The following HEMK2 variants were observed in gnomAD, a reference collection of about 807,000 sequenced individuals.
HEMK2 encodes the protein methyltransferase HEMK2.
chr21:28,696,613 G>A, the HEMK2 span, among the ~76,000 whole-genome samples: 3 of 152,084 alleles, frequency 2.0e-5, no homozygotes, highest in Admixed American at 6.5e-5. Context: ...TCTAGCGGAT[G>A]GTGGCCTTCT....
the HEMK2 span, among the ~76,000 whole-genome samples, chr21:28,594,122 T>C: frequency 6.6e-6 from 1 of 152,186 alleles, no homozygotes; most frequent in South Asian, 2.1e-4. Flanking sequence ...GAGAAAAACA[T>C]AATATAAACC....
the HEMK2 span, among the ~76,000 whole-genome samples, chr21:28,783,300 T>C: frequency 6.6e-6 from 1 of 152,114 alleles, no homozygotes. Context: ...TTCTCCTGCC[T>C]CAGCCTCCCA....
the HEMK2 span, among the ~76,000 whole-genome samples, chr21:28,782,456 T>A: frequency 6.6e-6 from 1 of 152,208 alleles, no homozygotes; most frequent in Non-Finnish European, 1.5e-5. Context: ...ACACATATAG[T>A]TCAGAAACGT....
At chr21:28,629,394 G>A in the HEMK2 span, among the ~76,000 whole-genome samples, 4 of 152,220 alleles carry the variant, frequency 2.6e-5, no homozygotes, top group South Asian at 2.1e-4. Context: ...CCTCGACATC[G>A]AGCAGATATT....
chr21:28,842,605 GCCATTACTCCTTCTCC>G, the HEMK2 span, among the ~76,000 whole-genome samples: 36 of 152,244 alleles, frequency 2.4e-4, no homozygotes, highest in East Asian at 4.6e-3. Context: ...CCTACCCAAA[GCCATTACTCCTTCTCC>G]CCACCTAACA....
At chr21:28,594,434 G>C in the HEMK2 span, among the ~76,000 whole-genome samples, 4 of 152,118 alleles carry the variant, frequency 2.6e-5, no homozygotes, top group African/African-American at 9.7e-5. Flanking sequence ...CTGAGTGCAT[G>C]TTATATGGAA....
the HEMK2 span, among the ~76,000 whole-genome samples, chr21:28,829,080 A>T: frequency 6.6e-6 from 1 of 152,324 alleles, no homozygotes; most frequent in South Asian, 2.1e-4. Context: ...GCTCCTCTTA[A>T]AATTTCTAAT....
At chr21:28,575,653 G>C in the HEMK2 span, among the ~76,000 whole-genome samples, 4 of 152,238 alleles carry the variant, frequency 2.6e-5, no homozygotes, top group East Asian at 3.9e-4. Context: ...AAAATGCAGA[G>C]TTCTTTAGTA....
chr21:28,746,672 TA>T, the HEMK2 span, among the ~76,000 whole-genome samples: 103,506 of 144,836 alleles, frequency 0.71, 37,713 homozygotes, highest in Non-Finnish European at 0.81. Context: ...AGGGCCAATC[TA>T]AAAAAAAAAA....
At chr21:28,697,393 T>G in the HEMK2 span, among the ~76,000 whole-genome samples, 1 of 152,168 alleles carries the variant, frequency 6.6e-6, no homozygotes, top group Admixed American at 6.5e-5. Context: ...AACAGGTTCC[T>G]CATCTCCATC....
At chr21:28,804,503 G>A in the HEMK2 span, among the ~76,000 whole-genome samples, 1 of 152,332 alleles carries the variant, frequency 6.6e-6, no homozygotes, top group African/African-American at 2.4e-5. Flanking sequence ...GGGAGGCTGA[G>A]GCAAGAGGAT....
At chr21:28,593,846 T>C in the HEMK2 span, among the ~76,000 whole-genome samples, 1 of 152,192 alleles carries the variant, frequency 6.6e-6, no homozygotes, top group Non-Finnish European at 1.5e-5. Context: ...TGCAGAAGAA[T>C]TCCAAATATT....
chr21:28,874,198 T>C, the HEMK2 span: 1 of 152,228 alleles, frequency 6.6e-6, no homozygotes, highest in East Asian at 1.9e-4. Flanking sequence ...TGCCACACTT[T>C]TGCTGTGAAC....
At chr21:28,821,162 A>G in the HEMK2 span, among the ~76,000 whole-genome samples, 1 of 152,120 alleles carries the variant, frequency 6.6e-6, no homozygotes, top group Non-Finnish European at 1.5e-5. Context: ...TTTTCCTGCC[A>G]ACCTTCCACT....
At chr21:28,623,174 G>A in the HEMK2 span, among the ~76,000 whole-genome samples, 1 of 152,078 alleles carries the variant, frequency 6.6e-6, no homozygotes, top group African/African-American at 2.4e-5. Flanking sequence ...AAGTGGGCGA[G>A]GACATGAACA....
the HEMK2 span, among the ~76,000 whole-genome samples, chr21:28,596,016 C>G: frequency 6.6e-6 from 1 of 150,414 alleles, no homozygotes; most frequent in African/African-American, 2.5e-5. Flanking sequence ...GATCTCCTGA[C>G]CTCATGATCT....
the HEMK2 span, among the ~76,000 whole-genome samples, chr21:28,827,592 C>T: frequency 6.6e-6 from 1 of 152,324 alleles, no homozygotes; most frequent in Non-Finnish European, 1.5e-5. Flanking sequence ...AAATGAATCA[C>T]AGTGGGATTA....
At chr21:28,713,856 T>A in the HEMK2 span, among the ~76,000 whole-genome samples, 19 of 152,336 alleles carry the variant, frequency 1.2e-4, no homozygotes, top group South Asian at 3.9e-3. Flanking sequence ...TTGCCTCAGG[T>A]ATATGGTTCA....
the HEMK2 span, among the ~76,000 whole-genome samples, chr21:28,705,300 T>G: frequency 4.6e-5 from 7 of 151,438 alleles, no homozygotes; most frequent in Non-Finnish European, 7.4e-5. Context: ...TTTCATTGAT[T>G]TGAATAATTT....
Sources: gnomAD v4.1 joint callset for allele counts (sites outside exome capture counted in the v4.1 genomes callset) on GRCh38, gnomAD v4.1.1 for gene constraint, MANE v1.5 for transcripts, NCBI Gene and HGNC (gene_info 2026-07-23, HGNC 2026-07-21) for gene names.